CHPT1: variants seen among roughly 807,000 people sequenced by gnomAD.
CHPT1 encodes the protein cholinephosphotransferase 1.
A neutral mutation model predicts 47.6 loss-of-function variants in CHPT1; 36 were observed. That is an observed-to-expected ratio of 0.76 (90% CI 0.58 to 1.00). CHPT1 has a LOEUF of 1.00. Ranked by LOEUF, CHPT1 falls within the 50% of genes least tolerant of loss-of-function variation. The pLI, the probability that CHPT1 is intolerant of heterozygous loss-of-function variation, is 0.00. For synonymous variants in CHPT1, 194 were observed against 186.3 expected (o/e 1.04, Z -0.33); for missense variants, 458 against 498.1 (o/e 0.92, Z 0.77).
chr12:101,719,849 C>A, intron 4 of CHPT1: 1 of 223,480 alleles, frequency 4.5e-6, no homozygotes, highest in South Asian at 7.5e-5. Context: ...TGATTGCTCA[C>A]AGTCAGTTAC....
At chr12:101,720,279 G>T in intron 5 of CHPT1, 25 bp downstream of exon 5, 1 of 1,567,726 alleles carries the variant, frequency 6.4e-7, no homozygotes, top group Non-Finnish European at 8.6e-7. Flanking sequence ...TCATCATTCA[G>T]TGTCAATTTT....
intron 6 of CHPT1, 119 bp from the exon 7 acceptor site, chr12:101,723,603 T>G (rs1951894500): frequency 1.4e-6 from 1 of 696,442 alleles, no homozygotes; most frequent in East Asian, 3.0e-5. Flanking sequence ...AAAAGTATTC[T>G]TAAATGTGAG....
rs1430727191 is a variant in CHPT1, at chr12:101,723,062, A to G, written c.781-106A>G. The G allele has an allele frequency of 5.0e-6, 5 of 997,642 alleles. No individual in the cohort carries two copies. The African/African-American group carries it at 6.5e-5, about 13-fold the overall frequency. 61.8% of individuals were successfully genotyped at this position (997,642 alleles called of 1,614,324 possible). A position where few individuals can be genotyped will look rare whatever the true frequency, so the allele number is the denominator to read the frequency against. On this transcript the variant is annotated intron_variant, in intron 5 of 8. Coordinates refer to ENST00000229266, the MANE Select transcript of CHPT1 (RefSeq NM_020244.3). The stretch of plus-strand genomic sequence containing the variant: ...ACTCCTGTAGGCCATACACTACATC[A>G]CACTGTTCTTTAGGCCTCTTGCACA...
chr12:101,724,167 C>T (rs1368762625), intron 7 of CHPT1, among the ~76,000 whole-genome samples: 5 of 149,288 alleles, frequency 3.3e-5, no homozygotes, highest in South Asian at 4.2e-4. Context: ...TGCGGTGAGC[C>T]GAGATCATGC....
At position 101,718,739 on chromosome 12, in the gene CHPT1, C is replaced by T. The variant is rs138419897; in HGVS notation, c.649-1384C>T. ...CCAATTATCATTTGTCAGTAGGCTC[C>T]GAAATAGACTTTGGGCATGTTTTTA... On this transcript the variant is annotated intron_variant, in intron 4 of 8. Coordinates refer to ENST00000229266, the MANE Select transcript of CHPT1 (RefSeq NM_020244.3). Among the ~76,000 whole-genome samples, 1,515 of 151,610 alleles carry T rather than the reference C, an allele frequency of 1.0e-2. 29 individuals carry two copies. The highest frequency in any genetic ancestry group is 0.035 in the African/African-American group (1,447 of 41,296).
At chr12:101,716,394 G>C (rs1951763897) in intron 3 of CHPT1, among the ~76,000 whole-genome samples, 1 of 152,048 alleles carries the variant, frequency 6.6e-6, no homozygotes, top group South Asian at 2.1e-4. Flanking sequence ...CAAGTAGTGG[G>C]TAATTATTGT....
intron 7 of CHPT1, among the ~76,000 whole-genome samples, chr12:101,725,252 T>C (rs1951924008): frequency 6.6e-6 from 1 of 152,008 alleles, no homozygotes; most frequent in East Asian, 1.9e-4. Flanking sequence ...CTTCCTATGG[T>C]GGCAGTGAGA....
intron 4 of CHPT1, among the ~76,000 whole-genome samples, chr12:101,717,722 AC>A (rs201712407): frequency 0.013 from 1,917 of 152,338 alleles, 13 homozygotes; most frequent in Non-Finnish European, 0.02. Context: ...AGTAAGTGAT[AC>A]AAAACTAAAC....
At chr12:101,698,873 G>A (rs536288713) in intron 1 of CHPT1, among the ~76,000 whole-genome samples, 2 of 152,262 alleles carry the variant, frequency 1.3e-5, no homozygotes, top group South Asian at 4.2e-4. Flanking sequence ...GGGATAGGGG[G>A]CAGAGTGGAG....
intron 7 of CHPT1, among the ~76,000 whole-genome samples, chr12:101,725,729 GGGCA>G (rs1951932782): frequency 6.6e-6 from 1 of 152,040 alleles, no homozygotes; most frequent in Non-Finnish European, 1.5e-5. Context: ...CCCTCTCCAA[GGGCA>G]GAGCTATGAG....
chr12:101,720,997 C>T (rs796891523), intron 5 of CHPT1, among the ~76,000 whole-genome samples: 192 of 152,096 alleles, frequency 1.3e-3, no homozygotes, highest in Middle Eastern at 3.4e-3. Flanking sequence ...ATGCCTTTTT[C>T]AGGGCCGGGC....
At chr12:101,715,383 C>G (rs892900249) in intron 3 of CHPT1, among the ~76,000 whole-genome samples, 1 of 152,162 alleles carries the variant, frequency 6.6e-6, no homozygotes, top group Non-Finnish European at 1.5e-5. Context: ...AAAAAACTCT[C>G]TAATGATAAA....
chr12:101,713,355 C>T (rs1357841067), intron 1 of CHPT1, among the ~76,000 whole-genome samples: 2 of 152,198 alleles, frequency 1.3e-5, no homozygotes, highest in Admixed American at 6.5e-5. Context: ...TTCCGTAAGA[C>T]GTCCACAACT....
intron 1 of CHPT1, 107 bp downstream of exon 1, chr12:101,698,241 C>G: frequency 7.5e-7 from 1 of 1,336,744 alleles, no homozygotes; most frequent in Non-Finnish European, 9.5e-7. Flanking sequence ...TCTCCCGGGC[C>G]CCGGAGGGGC....
chr12:101,722,794 T>C (rs1951874817), intron 5 of CHPT1, among the ~76,000 whole-genome samples: 1 of 152,078 alleles, frequency 6.6e-6, no homozygotes, highest in South Asian at 2.1e-4. Flanking sequence ...ATCAGTGATA[T>C]TTTGTAGAAT....
chr12:101,716,589 T>G, intron 3 of CHPT1, 139 bp from the exon 4 acceptor site: 2 of 546,110 alleles, frequency 3.7e-6, no homozygotes, highest in Non-Finnish European at 6.4e-6. Context: ...CAACTGATAA[T>G]TCAATAATGG....
At chr12:101,703,745 G>A (rs1029360210) in intron 1 of CHPT1, among the ~76,000 whole-genome samples, 3 of 152,170 alleles carry the variant, frequency 2.0e-5, no homozygotes, top group Non-Finnish European at 4.4e-5. Context: ...AATGTCATAA[G>A]CACATCTTAG....
intron 1 of CHPT1, among the ~76,000 whole-genome samples, chr12:101,707,645 A>G (rs564060883): frequency 6.6e-6 from 1 of 152,312 alleles, no homozygotes; most frequent in African/African-American, 2.4e-5. Flanking sequence ...CTGTGCTTTA[A>G]TCAGTTCAGC....
intron 1 of CHPT1, among the ~76,000 whole-genome samples, chr12:101,701,529 C>G (rs1469068090): frequency 4.6e-5 from 7 of 152,134 alleles, no homozygotes; most frequent in Admixed American, 3.9e-4. Context: ...GAAAATTAAC[C>G]TCTTCTAGAG....
Sources: allele counts gnomAD v4.1 joint callset (sites outside exome capture counted in the v4.1 genomes callset), GRCh38; gene constraint gnomAD v4.1.1; transcripts MANE v1.5; gene names NCBI Gene and HGNC (gene_info 2026-07-23, HGNC 2026-07-21).